Variants in ARHGAP28 observed in about 807,000 individuals in gnomAD.
The protein encoded by ARHGAP28 is Rho GTPase activating protein 28.
Under a neutral mutation model 90.7 loss-of-function variants are expected in ARHGAP28, and 56 were observed. The observed-to-expected ratio is 0.62, with a 90% CI of 0.50 to 0.77. The LOEUF (loss-of-function observed/expected upper bound fraction) is 0.77. Ranked by LOEUF, ARHGAP28 falls within the 30% of genes least tolerant of loss-of-function variation. ARHGAP28 has a pLI of 0.00. For synonymous variants in ARHGAP28, 308 were observed against 323.3 expected (o/e 0.95, Z 0.51); for missense variants, 869 against 900.9 (o/e 0.96, Z 0.45).
intron 3 of ARHGAP28, among the ~76,000 whole-genome samples, chr18:6,841,845 G>A (rs1479837877): frequency 6.6e-6 from 1 of 152,114 alleles, no homozygotes; most frequent in Non-Finnish European, 1.5e-5. Context: ...TGCAATCTGA[G>A]AACTAGTTCA....
chr18:6,746,538 T>G lies in ARHGAP28; in HGVS notation c.122+16595T>G, dbSNP rs555494752. Among the ~76,000 whole-genome samples, 43 of 152,352 alleles carry G rather than the reference T, an allele frequency of 2.8e-4. 1 individual carries two copies. The South Asian group carries it at 8.1e-3, about 29-fold the overall frequency. On this transcript the variant is annotated intron_variant, in intron 1 of 17. Coordinates refer to ENST00000383472, the MANE Select transcript of ARHGAP28 (RefSeq NM_001366230.1). Reference sequence around the variant, plus strand: ...TCATGAGGCTTGTGTAGCAAGCCTATCCTAGCAAAATACAGAGAATTAGTT... The same window carrying G: ...TCATGAGGCTTGTGTAGCAAGCCTAGCCTAGCAAAATACAGAGAATTAGTT...
chr18:6,893,695 C>T (rs894329516), intron 14 of ARHGAP28, among the ~76,000 whole-genome samples: 8 of 151,944 alleles, frequency 5.3e-5, no homozygotes, highest in Non-Finnish European at 8.8e-5. Context: ...AGGATGGACT[C>T]ACGGTGTGTG....
chr18:6,908,947 T>A lies in ARHGAP28; in HGVS notation c.2031-13T>A. On this transcript the variant is annotated splice_polypyrimidine_tract_variant and intron_variant, in intron 16 of 17. Coordinates refer to ENST00000383472, the MANE Select transcript of ARHGAP28 (RefSeq NM_001366230.1). ...AAAGTACTAAAATTATATTATTTTC[T>A]CATTTTTTTCAGTCATGGTTCATCA... 2.7e-6 allele frequency: 4 copies of A among 1,460,644 alleles called. No homozygotes were observed. Among genetic ancestry groups the A allele is most frequent in the Non-Finnish European group, 3.8e-6 (4 of 1,053,130 alleles). The allele number at this position is 1,460,644 out of a possible 1,614,324, so 90.5% of individuals were successfully genotyped here.
In ARHGAP28 at chr18:6,839,812, A is replaced by G. The variant is rs114210904; in HGVS notation, c.543+2398A>G. On this transcript the variant is annotated intron_variant, in intron 3 of 17. Coordinates refer to ENST00000383472, the MANE Select transcript of ARHGAP28 (RefSeq NM_001366230.1). The stretch of plus-strand genomic sequence containing the variant: ...TAGGCTGAAGGTCTAATTGATTAAT[A>G]CCTTTGACTTATGATGATCATTCCT... 6.9e-3 allele frequency among the ~76,000 whole-genome samples: 1,054 copies of G among 152,298 alleles called. 11 individuals are homozygous for G. Among genetic ancestry groups the G allele is most frequent in the African/African-American group, 0.024 (1,003 of 41,550 alleles).
chr18:6,776,448 C>T lies in ARHGAP28; in HGVS notation c.122+46505C>T, dbSNP rs117600264. Among the ~76,000 whole-genome samples the T allele has an allele frequency of 2.9e-3, 438 of 152,252 alleles. 3 individuals are homozygous for T. Among genetic ancestry groups the T allele is most frequent in the African/African-American group, 9.6e-3 (398 of 41,546 alleles). On this transcript the variant is annotated intron_variant, in intron 1 of 17. Coordinates refer to ENST00000383472, the MANE Select transcript of ARHGAP28 (RefSeq NM_001366230.1). Reference sequence around the variant, plus strand: ...AAGGCTTGCTGCAGCAGCTGGCCACCGGCTTGAGTATCACAGCCATTCAAG... The same window carrying T: ...AAGGCTTGCTGCAGCAGCTGGCCACTGGCTTGAGTATCACAGCCATTCAAG...
At chr18:6,888,336 T>C (rs1396783423) in intron 12 of ARHGAP28, among the ~76,000 whole-genome samples, 1 of 150,610 alleles carries the variant, frequency 6.6e-6, no homozygotes, top group Admixed American at 6.7e-5. Context: ...TGAAATGAAA[T>C]TGAGATAAGG....
intron 1 of ARHGAP28, among the ~76,000 whole-genome samples, chr18:6,786,868 A>G (rs1476754348): frequency 1.3e-5 from 2 of 151,990 alleles, no homozygotes; most frequent in African/African-American, 4.8e-5. Flanking sequence ...TTTATTTTCT[A>G]GGCTTTTCCC....
chr18:6,743,178 C>A (rs1244444809), intron 1 of ARHGAP28, among the ~76,000 whole-genome samples: 1 of 152,114 alleles, frequency 6.6e-6, no homozygotes, highest in Non-Finnish European at 1.5e-5. Context: ...AACTAAAATT[C>A]TGATCAAAGT....
chr18:6,753,870 A>G (rs1288439132), intron 1 of ARHGAP28, among the ~76,000 whole-genome samples: 1 of 152,212 alleles, frequency 6.6e-6, no homozygotes, highest in African/African-American at 2.4e-5. Flanking sequence ...AAATTCTTAA[A>G]GGAATCTAAT....
intron 1 of ARHGAP28, among the ~76,000 whole-genome samples, chr18:6,732,657 A>G (rs72882537): frequency 0.032 from 4,824 of 152,228 alleles, 116 homozygotes; most frequent in South Asian, 0.049. Context: ...AGGGCTGCTC[A>G]TTTTATTTTA....
In ARHGAP28 at chr18:6,896,234, G is replaced by T. The variant is rs568801541; in HGVS notation, c.1906-268G>T. The stretch of plus-strand genomic sequence containing the variant: ...GCATAAATAGAAACATTTGATTTTT[G>T]TCATAACCCAGTTTTTCCCCCTTAA... On this transcript the variant is annotated intron_variant, in intron 15 of 17. Coordinates refer to ENST00000383472, the MANE Select transcript of ARHGAP28 (RefSeq NM_001366230.1). 1.1e-4 allele frequency among the ~76,000 whole-genome samples: 16 copies of T among 152,302 alleles called. No homozygotes were observed. In the South Asian group the frequency reaches 3.3e-3, roughly 32 times the overall value.
chr18:6,822,026 A>C (rs1217192452), intron 1 of ARHGAP28, among the ~76,000 whole-genome samples: 1 of 152,178 alleles, frequency 6.6e-6, no homozygotes, highest in South Asian at 2.1e-4. Flanking sequence ...GCAGCCATTG[A>C]GGTGGTATTA....
At chr18:6,903,082 G>A (rs766719775) in intron 16 of ARHGAP28, among the ~76,000 whole-genome samples, 1 of 152,122 alleles carries the variant, frequency 6.6e-6, no homozygotes, top group Non-Finnish European at 1.5e-5. Flanking sequence ...ACTATGTGAC[G>A]CCACTTAAGT....
chr18:6,813,956 A>G (rs2056573805), intron 1 of ARHGAP28, among the ~76,000 whole-genome samples: 1 of 152,096 alleles, frequency 6.6e-6, no homozygotes, highest in African/African-American at 2.4e-5. Context: ...TGGCTTTCCA[A>G]TTCAAAGCTG....
At chr18:6,882,084 G>T in intron 10 of ARHGAP28, 53 bp from the exon 11 acceptor site, 2 of 1,518,132 alleles carry the variant, frequency 1.3e-6, no homozygotes, top group Non-Finnish European at 1.8e-6. Flanking sequence ...AGGGGAAAAT[G>T]GGGTCAGGTG....
intron 2 of ARHGAP28, among the ~76,000 whole-genome samples, chr18:6,830,972 TA>T (rs1324886668): frequency 5.9e-5 from 9 of 152,228 alleles, no homozygotes; most frequent in African/African-American, 2.2e-4. Flanking sequence ...GTATTTTTCA[TA>T]GAATGTTTAA....
In ARHGAP28 at chr18:6,896,552, G is replaced by A. The variant is rs2057306278; in HGVS notation, c.1956G>A (p.Lys652=). 1 of 1,614,094 alleles carries A rather than the reference G, an allele frequency of 6.2e-7. No individual in the cohort carries two copies. Among genetic ancestry groups the A allele is most frequent in the Non-Finnish European group, 8.5e-7 (1 of 1,179,994 alleles). ...VIRVHAPLLS[K]VSMAIQLNNQ... Reference sequence around the variant, plus strand: ...GGGTCCATGCTCCACTTCTCTCCAAGGTGTCCATGGCCATTCAACTCAACA... The same window carrying A: ...GGGTCCATGCTCCACTTCTCTCCAAAGTGTCCATGGCCATTCAACTCAACA... Residue 652 remains lysine, a synonymous_variant, in exon 16 of 18, where the codon AAG becomes AAA. Transcript: ENST00000383472.
In ARHGAP28 at chr18:6,759,737, A is replaced by G. The variant is rs888566791; in HGVS notation, c.122+29794A>G. Among the ~76,000 whole-genome samples the G allele has an allele frequency of 3.3e-5, 5 of 152,298 alleles. No homozygotes were observed. In the East Asian group the frequency reaches 9.7e-4, roughly 29 times the overall value. On this transcript the variant is annotated intron_variant, in intron 1 of 17. Transcript: ENST00000383472. ...TATCTTGAAAAACTATGAAAGAATA[A>G]CAGAGAAACTAGGCTCTTATGCCCA...
At chr18:6,795,453 TCA>T (rs1216326427) in intron 1 of ARHGAP28, among the ~76,000 whole-genome samples, 3 of 152,314 alleles carry the variant, frequency 2.0e-5, no homozygotes, top group African/African-American at 7.2e-5. Context: ...AGCCTGGGCC[TCA>T]CACACATTCT....
Sources: gnomAD v4.1 joint callset for allele counts (sites outside exome capture counted in the v4.1 genomes callset) on GRCh38, gnomAD v4.1.1 for gene constraint, MANE v1.5 for transcripts, NCBI Gene and HGNC (gene_info 2026-07-23, HGNC 2026-07-21) for gene names.